TRAK1: variants seen among roughly 807,000 people sequenced by gnomAD.
TRAK1 encodes trafficking kinesin protein 1.
Under a neutral mutation model 92.1 loss-of-function variants are expected in TRAK1, and 33 were observed. The observed-to-expected ratio is 0.36, with a 90% CI of 0.27 to 0.48. The LOEUF (loss-of-function observed/expected upper bound fraction) is 0.48. Among genes scored for constraint, TRAK1 ranks in the 20% least tolerant of loss-of-function variants. The pLI is 0.99. For missense variants in TRAK1, 1,123 were observed against 1,257.9 expected (o/e 0.89, Z 1.62); for synonymous variants, 521 against 517.3 (o/e 1.01, Z -0.10).
chr3:42,135,905 C>T lies in TRAK1; in HGVS notation c.286+10291C>T, dbSNP rs74916735. ...TTGCCAGAATGTCATAGAAACTGAA[C>T]GTGTGCTTGCCATCCTCACACTAGC... On this transcript the variant is annotated intron_variant, in intron 2 of 15. Coordinates refer to ENST00000327628, the MANE Select transcript of TRAK1 (RefSeq NM_001042646.3). 4.9e-3 allele frequency among the ~76,000 whole-genome samples: 753 copies of T among 152,294 alleles called. 3 individuals carry two copies. The highest frequency in any genetic ancestry group is 7.6e-3 in the Non-Finnish European group (519 of 68,032).
Position 42,223,985 on chromosome 3 carries a change from C to G in TRAK1, c.*248C>G. The G allele has an allele frequency of 1.6e-6, 1 of 640,518 alleles. No individual in the cohort carries two copies. The highest frequency in any genetic ancestry group is 2.9e-6 in the Non-Finnish European group (1 of 350,520). 39.7% of individuals were successfully genotyped at this position (640,518 alleles called of 1,614,324 possible). ...CGATCCCACAGGAAGTGCCCCTGCACTGTCATCACTCTCACGAGGACGTCA... is the reference window on the plus strand; with the variant it reads ...CGATCCCACAGGAAGTGCCCCTGCAGTGTCATCACTCTCACGAGGACGTCA... On this transcript the variant is annotated 3_prime_UTR_variant, in exon 16 of 16. Coordinates refer to ENST00000327628, the MANE Select transcript of TRAK1 (RefSeq NM_001042646.3). The surrounding 1 kb of genome is among the most constrained non-coding windows in gnomAD (Gnocchi z 6.1).
chr3:42,183,506 A>T (rs1704316881), intron 3 of TRAK1, among the ~76,000 whole-genome samples: 1 of 148,218 alleles, frequency 6.7e-6, no homozygotes, highest in Non-Finnish European at 1.5e-5. Context: ...CAGTGAGCCG[A>T]GATCGTGCTA....
intron 2 of TRAK1, among the ~76,000 whole-genome samples, chr3:42,138,876 G>GTGTGTGTGTGTGTGTGTGT (rs1553730371): frequency 1.7e-5 from 2 of 118,774 alleles, no homozygotes; most frequent in Admixed American, 8.5e-5. Flanking sequence ...AAGCATAGGG[G>GTGTGTGTGTGTGTGTGTGT]GTGTGTGTGT....
chr3:42,032,715 G>T (rs1442700573), intron 1 of TRAK1, among the ~76,000 whole-genome samples: 1 of 152,178 alleles, frequency 6.6e-6, no homozygotes, highest in Admixed American at 6.5e-5. Context: ...TAAAACAAGT[G>T]TGGTAGGCTG....
intron 14 of TRAK1, among the ~76,000 whole-genome samples, chr3:42,214,012 G>A (rs1417151804): frequency 6.6e-6 from 1 of 152,206 alleles, no homozygotes; most frequent in African/African-American, 2.4e-5. Flanking sequence ...ACTGCCACCT[G>A]CAAGTGGAAA....
chr3:42,092,840 C>A (rs948191872), intron 1 of TRAK1, among the ~76,000 whole-genome samples: 2 of 152,088 alleles, frequency 1.3e-5, no homozygotes, highest in African/African-American at 4.8e-5. Context: ...CCTGCCTCGG[C>A]CTCCCAAAGT....
At position 42,091,376 on chromosome 3, in the gene TRAK1, C is replaced by G; in HGVS notation, c.-94C>G. The G allele has an allele frequency of 9.0e-7, 1 of 1,112,846 alleles. No individual in the cohort carries two copies. Among genetic ancestry groups the G allele is most frequent in the Non-Finnish European group, 1.3e-6 (1 of 758,958 alleles). 68.9% of individuals were successfully genotyped at this position (1,112,846 alleles called of 1,614,324 possible). A position where few individuals can be genotyped will look rare whatever the true frequency, so the allele number is the denominator to read the frequency against. On this transcript the variant is annotated 5_prime_UTR_variant, in exon 1 of 16. Transcript: ENST00000327628. Reference sequence around the variant, plus strand: ...AAACTCAGAAAACTGCTGAGGAAGGCACGGGAGGGTGGCTGTGCGAGGTAC... The same window carrying G: ...AAACTCAGAAAACTGCTGAGGAAGGGACGGGAGGGTGGCTGTGCGAGGTAC...
At chr3:42,161,486 C>T (rs1268652690) in intron 2 of TRAK1, among the ~76,000 whole-genome samples, 1 of 152,034 alleles carries the variant, frequency 6.6e-6, no homozygotes, top group Non-Finnish European at 1.5e-5. Flanking sequence ...AAGCGATCCT[C>T]CCACCTCAGC....
chr3:42,064,095 C>G (rs566840228), intron 1 of TRAK1, among the ~76,000 whole-genome samples: 10 of 152,318 alleles, frequency 6.6e-5, no homozygotes, highest in African/African-American at 2.4e-4. Flanking sequence ...ATGCCCAGCC[C>G]TTATTACTAT....
At chr3:42,081,181 G>A (rs1440367790) in intron 1 of TRAK1, among the ~76,000 whole-genome samples, 1 of 152,130 alleles carries the variant, frequency 6.6e-6, no homozygotes, top group Non-Finnish European at 1.5e-5. Context: ...TGGCCACTGT[G>A]AGCCACATTT....
chr3:42,121,588 T>C (rs1222361271), intron 1 of TRAK1, among the ~76,000 whole-genome samples: 1 of 152,040 alleles, frequency 6.6e-6, no homozygotes, highest in East Asian at 1.9e-4. Flanking sequence ...ACTCTTCTGT[T>C]ACGTTTACCT....
chr3:42,038,806 T>G (rs1199583427), intron 1 of TRAK1, among the ~76,000 whole-genome samples: 1 of 142,322 alleles, frequency 7.0e-6, no homozygotes, highest in Admixed American at 7.0e-5. Context: ...AAAAAAAGTT[T>G]TTTTTTTTTT....
At chr3:42,105,982 C>A (rs1013508807) in intron 1 of TRAK1, among the ~76,000 whole-genome samples, 3 of 152,136 alleles carry the variant, frequency 2.0e-5, no homozygotes, top group Non-Finnish European at 4.4e-5. Context: ...GAGATTTTGT[C>A]ACCACCAGGC....
chr3:42,173,748 T>C (rs1459618669), intron 2 of TRAK1, among the ~76,000 whole-genome samples: 3 of 152,210 alleles, frequency 2.0e-5, no homozygotes, highest in African/African-American at 4.8e-5. Flanking sequence ...AGATTCTTAA[T>C]GTCTCAGAGC....
At chr3:42,116,154 C>T (rs938745137) in intron 1 of TRAK1, among the ~76,000 whole-genome samples, 16 of 152,218 alleles carry the variant, frequency 1.1e-4, no homozygotes, top group Admixed American at 3.3e-4. Context: ...GAGGTGCTGT[C>T]GCTACATCCC....
At chr3:42,089,724 T>C (rs1181788336), upstream of TRAK1, among the ~76,000 whole-genome samples, 1 of 141,178 alleles carries the variant, frequency 7.1e-6, no homozygotes, top group Admixed American at 8.0e-5. Context: ...CATCTCCCTT[T>C]CCTGTTTAAT....
intron 2 of TRAK1, among the ~76,000 whole-genome samples, chr3:42,171,017 CG>C (rs1304376481): frequency 6.6e-6 from 1 of 151,718 alleles, no homozygotes; most frequent in Non-Finnish European, 1.5e-5. Context: ...TTAGTAGAGA[CG>C]GGATTTCACC....
At chr3:42,080,335 C>T (rs887445339) in intron 1 of TRAK1, among the ~76,000 whole-genome samples, 10 of 152,182 alleles carry the variant, frequency 6.6e-5, no homozygotes, top group Admixed American at 5.9e-4. Context: ...CCACCCACCC[C>T]AGGCTCAGCT....
chr3:42,047,829 C>T (rs763071275), intron 1 of TRAK1, among the ~76,000 whole-genome samples: 9 of 151,902 alleles, frequency 5.9e-5, no homozygotes, highest in South Asian at 4.1e-4. Context: ...GTGTGTGTTA[C>T]GTCTGCCTGA....
Sources: gnomAD v4.1 joint callset for allele counts (sites outside exome capture counted in the v4.1 genomes callset) on GRCh38, gnomAD v4.1.1 for gene constraint, Gnocchi (gnomAD v3.1) non-coding constraint, MANE v1.5 for transcripts, NCBI Gene and HGNC (gene_info 2026-07-23, HGNC 2026-07-21) for gene names.